The following EXOC2 variants were observed in gnomAD, a reference collection of about 807,000 sequenced individuals.
EXOC2 encodes the protein exocyst complex component 2.
In EXOC2, 70 loss-of-function variants were observed where a neutral mutation model predicts 131.8. The observed-to-expected ratio is 0.53, with a 90% CI of 0.44 to 0.65. The LOEUF is 0.65. EXOC2 is among the 30% of genes least tolerant of loss of function. The pLI is 0.00. For missense variants in EXOC2, 923 were observed against 1,108.6 expected (o/e 0.83, Z 2.38); for synonymous variants, 411 against 398.4 (o/e 1.03, Z -0.38).
chr6:599,977 G>C (rs1384143799), intron 7 of EXOC2, among the ~76,000 whole-genome samples: 1 of 152,016 alleles, frequency 6.6e-6, no homozygotes, highest in African/African-American at 2.4e-5. Context: ...TTGTGAATTA[G>C]TTTTAATTCC....
chr6:588,027 T>A (rs1294200896), intron 11 of EXOC2, among the ~76,000 whole-genome samples: 1 of 152,122 alleles, frequency 6.6e-6, no homozygotes, highest in Admixed American at 6.5e-5. Context: ...TGGCTATGAG[T>A]TGGTAACTGC....
intron 1 of EXOC2, among the ~76,000 whole-genome samples, chr6:649,846 T>C (rs940708751): frequency 1.3e-5 from 2 of 152,262 alleles, no homozygotes; most frequent in Non-Finnish European, 2.9e-5. Flanking sequence ...TTTCCAATGA[T>C]TTATTTTCTA....
intron 2 of EXOC2, among the ~76,000 whole-genome samples, chr6:634,799 T>C (rs1252363951): frequency 1.3e-5 from 2 of 152,196 alleles, no homozygotes; most frequent in African/African-American, 4.8e-5. Context: ...ATTATTTTTT[T>C]CAAAATGGGC....
chr6:597,785 G>A (rs1450304104), intron 10 of EXOC2, among the ~76,000 whole-genome samples: 5 of 152,100 alleles, frequency 3.3e-5, no homozygotes, highest in Non-Finnish European at 7.4e-5. Flanking sequence ...TTCCTTTCCC[G>A]AAAATGGCAG....
intron 23 of EXOC2, among the ~76,000 whole-genome samples, chr6:510,661 C>CAAA (rs1467533639): frequency 1.3e-3 from 191 of 152,308 alleles, no homozygotes; most frequent in African/African-American, 4.3e-3. Flanking sequence ...ATGTGTAGAA[C>CAAA]AGACCATGAA....
intron 22 of EXOC2, among the ~76,000 whole-genome samples, chr6:539,259 G>A (rs527913348): frequency 1.2e-4 from 18 of 152,282 alleles, no homozygotes; most frequent in Admixed American, 5.2e-4. Flanking sequence ...AAAACTGTGG[G>A]TAATAACTTA....
chr6:568,665 T>A (rs1395333630), intron 13 of EXOC2, among the ~76,000 whole-genome samples: 1 of 152,080 alleles, frequency 6.6e-6, no homozygotes, highest in Non-Finnish European at 1.5e-5. Context: ...ACTGCAAGAG[T>A]CTTGACTGTC....
chr6:557,617 C>CAAAAAAAAAAAA (rs59474432), intron 17 of EXOC2, among the ~76,000 whole-genome samples: 1 of 111,184 alleles, frequency 9.0e-6, no homozygotes, highest in Non-Finnish European at 1.7e-5. Context: ...GACTTCATCT[C>CAAAAAAAAAAAA]AAAAAAAAAA....
chr6:550,810 C>T (rs1053412869), intron 21 of EXOC2, among the ~76,000 whole-genome samples: 3 of 152,194 alleles, frequency 2.0e-5, no homozygotes, highest in African/African-American at 7.2e-5. Context: ...GCCTCAAAAA[C>T]CTCAGCTGGT....
At chr6:588,803 C>CTT (rs79527588) in intron 11 of EXOC2, among the ~76,000 whole-genome samples, 10 of 149,542 alleles carry the variant, frequency 6.7e-5, no homozygotes, top group South Asian at 4.2e-4. Flanking sequence ...CTTCTGTCAC[C>CTT]TTTTTTTTTT....
intron 23 of EXOC2, among the ~76,000 whole-genome samples, chr6:511,656 C>T (rs1261036620): frequency 6.6e-6 from 1 of 152,228 alleles, no homozygotes; most frequent in Non-Finnish European, 1.5e-5. Flanking sequence ...CGCTCACCTG[C>T]AGGGGCCTGC....
intron 1 of EXOC2, chr6:679,028 A>C (rs1748994418): frequency 6.6e-6 from 1 of 152,106 alleles, no homozygotes; most frequent in South Asian, 2.1e-4. Flanking sequence ...AAAAACTAGA[A>C]GAACATAAAG....
chr6:597,358 G>C (rs1759876364), intron 10 of EXOC2, among the ~76,000 whole-genome samples: 1 of 151,940 alleles, frequency 6.6e-6, no homozygotes, highest in South Asian at 2.1e-4. Context: ...TGTATTTTTA[G>C]TAGAGATGGG....
chr6:536,831 C>G (rs1434815996), intron 22 of EXOC2, among the ~76,000 whole-genome samples: 1 of 152,030 alleles, frequency 6.6e-6, no homozygotes, highest in Non-Finnish European at 1.5e-5. Context: ...TGGATCTCAT[C>G]AAAATTAAAC....
intron 4 of EXOC2, among the ~76,000 whole-genome samples, chr6:624,864 A>G (rs1411819161): frequency 6.6e-6 from 1 of 152,216 alleles, no homozygotes; most frequent in Non-Finnish European, 1.5e-5. Context: ...CGGATTCTAC[A>G]TTTCCAAGTG....
At chr6:515,691 C>T (rs186418590) in intron 23 of EXOC2, among the ~76,000 whole-genome samples, 31 of 129,456 alleles carry the variant, frequency 2.4e-4, no homozygotes, top group African/African-American at 6.2e-4. Context: ...CCAGAGTGAC[C>T]GTAATCATAC....
At chr6:600,747 GAGAC>G (rs1760086715) in intron 7 of EXOC2, among the ~76,000 whole-genome samples, 1 of 146,904 alleles carries the variant, frequency 6.8e-6, no homozygotes, top group African/African-American at 2.7e-5. Flanking sequence ...AAATAAAATA[GAGAC>G]AGAGAAAAAT....
chr6:505,469 T>C (rs1031528178), intron 23 of EXOC2, among the ~76,000 whole-genome samples: 1 of 152,226 alleles, frequency 6.6e-6, no homozygotes, highest in African/African-American at 2.4e-5. Context: ...CTGCTCTGAC[T>C]TGTAGCTTTC....
intron 11 of EXOC2, among the ~76,000 whole-genome samples, chr6:577,711 A>G (rs1271988117): frequency 6.6e-6 from 1 of 152,228 alleles, no homozygotes; most frequent in Non-Finnish European, 1.5e-5. Flanking sequence ...GTGCATTTAC[A>G]GAGTATTTAC....
Sources: allele counts gnomAD v4.1 joint callset (sites outside exome capture counted in the v4.1 genomes callset), GRCh38; gene constraint gnomAD v4.1.1; transcripts MANE v1.5; gene names NCBI Gene and HGNC (gene_info 2026-07-23, HGNC 2026-07-21).